Variants in HEMK2 observed in about 807,000 individuals in gnomAD.
The protein encoded by HEMK2 is HemK methyltransferase 2, ETF1 glutamine and histone H4 lysine.
At chr21:28,678,698 A>G in the HEMK2 span, among the ~76,000 whole-genome samples, 1 of 152,240 alleles carries the variant, frequency 6.6e-6, no homozygotes, top group Non-Finnish European at 1.5e-5. Context: ...CAGATCTCTC[A>G]GCAGAAACTC....
the HEMK2 span, among the ~76,000 whole-genome samples, chr21:28,661,634 T>C: frequency 1.3e-5 from 2 of 151,998 alleles, no homozygotes; most frequent in African/African-American, 4.8e-5. Flanking sequence ...ATTTCCTGGT[T>C]CTAATGAAGT....
the HEMK2 span, among the ~76,000 whole-genome samples, chr21:28,594,067 C>T: frequency 6.6e-6 from 1 of 152,170 alleles, no homozygotes; most frequent in East Asian, 1.9e-4. Flanking sequence ...GGCATTTTAC[C>T]TCTGTGATCT....
chr21:28,839,527 C>T, the HEMK2 span, among the ~76,000 whole-genome samples: 1 of 152,054 alleles, frequency 6.6e-6, no homozygotes, highest in Non-Finnish European at 1.5e-5. Context: ...GCAAAGTTTC[C>T]AGATACAAGA....
At chr21:28,657,219 A>C in the HEMK2 span, among the ~76,000 whole-genome samples, 1 of 152,096 alleles carries the variant, frequency 6.6e-6, no homozygotes, top group Admixed American at 6.6e-5. Flanking sequence ...GCTTAGGTTA[A>C]ACAGATCTGC....
the HEMK2 span, among the ~76,000 whole-genome samples, chr21:28,753,732 C>T: frequency 7.9e-5 from 12 of 152,246 alleles, no homozygotes; most frequent in Non-Finnish European, 1.2e-4. Context: ...AGCACTATTT[C>T]GGAAAAAGAA....
chr21:28,877,143 AG>A, the HEMK2 span, among the ~76,000 whole-genome samples: 1 of 41,916 alleles, frequency 2.4e-5, no homozygotes, highest in African/African-American at 4.4e-5. Flanking sequence ...AGAAGAGAAG[AG>A]AGAGAGAGAA....
chr21:28,628,627 A>AT, the HEMK2 span, among the ~76,000 whole-genome samples: 1 of 152,048 alleles, frequency 6.6e-6, no homozygotes, highest in East Asian at 1.9e-4. Context: ...TAATTTTTGT[A>AT]TTTTTTAGTA....
the HEMK2 span, among the ~76,000 whole-genome samples, chr21:28,712,724 A>G: frequency 6.6e-6 from 1 of 152,228 alleles, no homozygotes; most frequent in Admixed American, 6.5e-5. Context: ...GACATTGGGG[A>G]AGAGAATAAA....
At chr21:28,721,191 A>G in the HEMK2 span, among the ~76,000 whole-genome samples, 4 of 152,116 alleles carry the variant, frequency 2.6e-5, no homozygotes, top group Admixed American at 6.5e-5. Flanking sequence ...TCATAGCTCA[A>G]TGAAGCCTCG....
chr21:28,764,549 C>T, the HEMK2 span, among the ~76,000 whole-genome samples: 1 of 152,106 alleles, frequency 6.6e-6, no homozygotes, highest in Non-Finnish European at 1.5e-5. Flanking sequence ...ACAGAGAGCA[C>T]AAACGTCCTA....
chr21:28,812,963 T>C, the HEMK2 span, among the ~76,000 whole-genome samples: 641 of 152,338 alleles, frequency 4.2e-3, 3 homozygotes, highest in African/African-American at 0.014. Context: ...TTTGTATTTC[T>C]GGGGGATCAG....
the HEMK2 span, chr21:28,878,290 T>C: frequency 1.2e-6 from 2 of 1,613,076 alleles, no homozygotes; most frequent in African/African-American, 1.3e-5. Context: ...TTCCCGACCA[T>C]TTCTGCCACC....
chr21:28,588,039 T>C, the HEMK2 span, among the ~76,000 whole-genome samples: 124,488 of 151,772 alleles, frequency 0.82, 51,949 homozygotes, highest in Non-Finnish European at 0.89. Context: ...TTCTCTCTTC[T>C]TCCCCAGTGA....
the HEMK2 span, among the ~76,000 whole-genome samples, chr21:28,735,307 G>T: frequency 6.6e-6 from 1 of 152,092 alleles, no homozygotes; most frequent in Non-Finnish European, 1.5e-5. Context: ...TGTCACCTGG[G>T]CTAAGTTTTT....
At chr21:28,853,003 T>A in the HEMK2 span, among the ~76,000 whole-genome samples, 1 of 152,160 alleles carries the variant, frequency 6.6e-6, no homozygotes, top group Non-Finnish European at 1.5e-5. Context: ...GCATTTAAAT[T>A]TTGCAGTTGA....
At chr21:28,664,833 TACTC>T in the HEMK2 span, among the ~76,000 whole-genome samples, 8 of 152,298 alleles carry the variant, frequency 5.3e-5, no homozygotes, top group African/African-American at 9.6e-5. Context: ...TAGTTTTTGA[TACTC>T]AAGAGGGGTA....
At chr21:28,761,240 C>G in the HEMK2 span, among the ~76,000 whole-genome samples, 1 of 151,932 alleles carries the variant, frequency 6.6e-6, no homozygotes, top group Admixed American at 6.6e-5. Flanking sequence ...ACCATATTTG[C>G]AACTTACTTT....
chr21:28,846,467 T>C, the HEMK2 span, among the ~76,000 whole-genome samples: 23 of 152,322 alleles, frequency 1.5e-4, no homozygotes, highest in African/African-American at 5.3e-4. Context: ...CTATTGTTTT[T>C]TGACTTTTTA....
At chr21:28,861,378 T>C in the HEMK2 span, among the ~76,000 whole-genome samples, 13 of 152,158 alleles carry the variant, frequency 8.5e-5, no homozygotes, top group East Asian at 1.9e-4. Context: ...AGAAGTGAAA[T>C]TGATAGGAAG....
Sources: gnomAD v4.1 joint callset for allele counts (sites outside exome capture counted in the v4.1 genomes callset) on GRCh38, gnomAD v4.1.1 for gene constraint, MANE v1.5 for transcripts, NCBI Gene and HGNC (gene_info 2026-07-23, HGNC 2026-07-21) for gene names.